The following ROBO1 variants were observed in gnomAD, a reference collection of about 807,000 sequenced individuals.
ROBO1 encodes the protein roundabout guidance receptor 1.
A neutral mutation model predicts 195.9 loss-of-function variants in ROBO1; 149 were observed. The ratio of observed to expected loss-of-function variants is 0.76; its 90% CI spans 0.67 to 0.87. ROBO1 has a LOEUF of 0.87. Ranked by LOEUF, ROBO1 falls within the 40% of genes least tolerant of loss-of-function variation. The probability of loss-of-function intolerance (pLI) is 0.00; values close to 1 mark genes in which losing one functional copy is unlikely to be tolerated. For synonymous variants in ROBO1, 816 were observed against 733.2 expected (o/e 1.11, Z -1.82); for missense variants, 1,933 against 2,068.3 (o/e 0.93, Z 1.27).
At chr3:79,333,102 C>G (rs1187851151) in intron 2 of ROBO1, among the ~76,000 whole-genome samples, 1 of 151,294 alleles carries the variant, frequency 6.6e-6, no homozygotes, top group East Asian at 2.0e-4. Context: ...GCTTGGGAGG[C>G]TTAGACAGGC....
chr3:78,916,930 T>C (rs1053368317), intron 4 of ROBO1, among the ~76,000 whole-genome samples: 1 of 152,120 alleles, frequency 6.6e-6, no homozygotes, highest in African/African-American at 2.4e-5. Flanking sequence ...CACCCACAAC[T>C]TTACTATGTA....
At chr3:79,503,266 G>A (rs1287120924) in intron 2 of ROBO1, among the ~76,000 whole-genome samples, 1 of 152,112 alleles carries the variant, frequency 6.6e-6, no homozygotes, top group African/African-American at 2.4e-5. Context: ...AGGAAAGTCT[G>A]CAGCTTCACT....
chr3:79,766,141 C>T (rs766813683), intron 1 of ROBO1, among the ~76,000 whole-genome samples: 65 of 152,026 alleles, frequency 4.3e-4, no homozygotes, highest in Non-Finnish European at 8.7e-4. Flanking sequence ...GTCTGGAAAT[C>T]TGCCCCCTTT....
intron 3 of ROBO1, among the ~76,000 whole-genome samples, chr3:79,021,079 T>C (rs897208981): frequency 6.6e-6 from 1 of 152,096 alleles, no homozygotes; most frequent in African/African-American, 2.4e-5. Flanking sequence ...GCACCTATCT[T>C]TGAAAGTGAA....
At chr3:78,837,517 A>C (rs1031863119) in intron 4 of ROBO1, among the ~76,000 whole-genome samples, 1 of 152,176 alleles carries the variant, frequency 6.6e-6, no homozygotes, top group Non-Finnish European at 1.5e-5. Context: ...AAATTCTAAG[A>C]GAAAAAATGC....
intron 26 of ROBO1, among the ~76,000 whole-genome samples, chr3:78,624,737 T>C (rs762671996): frequency 7.9e-5 from 12 of 152,040 alleles, no homozygotes; most frequent in Non-Finnish European, 1.8e-4. Flanking sequence ...CAAATACTAA[T>C]GCAATATGAA....
rs111344565 is a variant in ROBO1 at position 78,778,459 on chromosome 3, A to G, written c.500-31559T>C. Among the ~76,000 whole-genome samples the G allele has an allele frequency of 3.5e-3, 538 of 152,270 alleles. 3 individuals carry two copies. Among genetic ancestry groups the G allele is most frequent in the African/African-American group, 0.012 (503 of 41,562 alleles). On this transcript the variant is annotated intron_variant, in intron 4 of 30. Transcript: ENST00000464233. Reference sequence around the variant, plus strand: ...GTAGAATTCAACAAAAATCACAAGCATTCCTATACACCAGTAATAGACAAA... The same window carrying G: ...GTAGAATTCAACAAAAATCACAAGCGTTCCTATACACCAGTAATAGACAAA...
intron 1 of ROBO1, among the ~76,000 whole-genome samples, chr3:79,634,693 C>A (rs534415029): frequency 6.6e-6 from 1 of 151,968 alleles, no homozygotes; most frequent in Non-Finnish European, 1.5e-5. Context: ...CATTAAAATT[C>A]ATCATCATAA....
intron 2 of ROBO1, among the ~76,000 whole-genome samples, chr3:79,434,316 A>G (rs1048864719): frequency 2.6e-5 from 4 of 152,220 alleles, no homozygotes; most frequent in African/African-American, 9.6e-5. Context: ...CAATCTACTC[A>G]TCTGACAAAG....
At chr3:79,237,078 C>T (rs183633647) in intron 2 of ROBO1, among the ~76,000 whole-genome samples, 2 of 152,216 alleles carry the variant, frequency 1.3e-5, no homozygotes, top group South Asian at 4.1e-4. Flanking sequence ...ACTATAAATG[C>T]TGCCATTAAC....
chr3:78,896,315 T>C (rs1485957780), intron 4 of ROBO1, among the ~76,000 whole-genome samples: 1 of 152,120 alleles, frequency 6.6e-6, no homozygotes. Context: ...CCCAGTGACC[T>C]GCACCTATAC....
At chr3:79,322,954 T>C (rs897280775) in intron 2 of ROBO1, among the ~76,000 whole-genome samples, 1 of 152,178 alleles carries the variant, frequency 6.6e-6, no homozygotes, top group African/African-American at 2.4e-5. Context: ...GGTAAATGTA[T>C]AGGGAAAATT....
intron 2 of ROBO1, among the ~76,000 whole-genome samples, chr3:79,535,028 C>G (rs1053596485): frequency 9.2e-5 from 14 of 152,024 alleles, no homozygotes; most frequent in Middle Eastern, 3.2e-3. Context: ...ATCTTTTATA[C>G]GATCTCTCCT....
chr3:79,018,219 G>A lies in ROBO1; in HGVS notation c.173-79292C>T, dbSNP rs191517589. Among the ~76,000 whole-genome samples, 204 of 152,234 alleles carry A rather than the reference G, an allele frequency of 1.3e-3. 5 individuals are homozygous for A. Among genetic ancestry groups the A allele is most frequent in the Non-Finnish European group, 2.5e-4 (17 of 68,014 alleles). Reference sequence around the variant, plus strand: ...TCAGGGGTGGAGGGGAGGTTTTGGGGAGTGGGGAAAAAGAGACAACCCCAA... The same window carrying A: ...TCAGGGGTGGAGGGGAGGTTTTGGGAAGTGGGGAAAAAGAGACAACCCCAA... On this transcript the variant is annotated intron_variant, in intron 3 of 30. Coordinates refer to ENST00000464233, the MANE Select transcript of ROBO1 (RefSeq NM_002941.4).
intron 1 of ROBO1, among the ~76,000 whole-genome samples, chr3:79,745,143 A>C (rs1703819055): frequency 6.6e-6 from 1 of 152,124 alleles, no homozygotes; most frequent in Non-Finnish European, 1.5e-5. Context: ...CCATTAACCT[A>C]ACCACTCAGT....
At chr3:79,725,721 G>A (rs1702894782) in intron 1 of ROBO1, among the ~76,000 whole-genome samples, 1 of 152,066 alleles carries the variant, frequency 6.6e-6, no homozygotes, top group Non-Finnish European at 1.5e-5. Flanking sequence ...TCACAGTTAA[G>A]AAAATTTTGT....
In ROBO1 at chr3:79,239,554, G is replaced by A. The variant is rs186734018; in HGVS notation, c.89-114015C>T. On this transcript the variant is annotated intron_variant, in intron 2 of 30. Transcript: ENST00000464233. ...TGTGGCTTCATTCTGCTTTCCAAGA[G>A]TATCTGACTTCACTGCCCACATCTG... 1.6e-3 allele frequency among the ~76,000 whole-genome samples: 240 copies of A among 152,218 alleles called. 2 individuals carry two copies. Among genetic ancestry groups the A allele is most frequent in the Non-Finnish European group, 1.5e-3 (101 of 68,026 alleles).
chr3:79,235,983 G>A (rs2082400115), intron 2 of ROBO1, among the ~76,000 whole-genome samples: 1 of 151,854 alleles, frequency 6.6e-6, no homozygotes, highest in African/African-American at 2.4e-5. Context: ...TCACAGATAC[G>A]TCCCTTTCTC....
At chr3:79,186,511 C>T (rs141683511) in intron 2 of ROBO1, among the ~76,000 whole-genome samples, 13 of 152,140 alleles carry the variant, frequency 8.5e-5, no homozygotes, top group African/African-American at 2.9e-4. Flanking sequence ...TTAGGTGACA[C>T]GTTTCTCAAT....
Sources: allele counts gnomAD v4.1 joint callset (sites outside exome capture counted in the v4.1 genomes callset), GRCh38; gene constraint gnomAD v4.1.1; transcripts MANE v1.5; gene names NCBI Gene and HGNC (gene_info 2026-07-23, HGNC 2026-07-21).